KIF13A: variants seen among roughly 807,000 people sequenced by gnomAD.
KIF13A encodes the protein kinesin-like protein KIF13A.
In KIF13A, 79 loss-of-function variants were observed where a neutral mutation model predicts 212.2. That is an observed-to-expected ratio of 0.37 (90% CI 0.31 to 0.45). KIF13A has a LOEUF of 0.45. Among genes scored for constraint, KIF13A ranks in the 20% least tolerant of loss-of-function variants. The pLI is 1.00. For synonymous variants in KIF13A, 789 were observed against 808.6 expected (o/e 0.98, Z 0.41); for missense variants, 1,901 against 2,209.0 (o/e 0.86, Z 2.79).
chr6:17,980,244 T>C (rs1780942484), intron 2 of KIF13A, among the ~76,000 whole-genome samples: 1 of 152,174 alleles, frequency 6.6e-6, no homozygotes, highest in Admixed American at 6.5e-5. Context: ...AAGTAGAATA[T>C]GATACACAGC....
intron 2 of KIF13A, among the ~76,000 whole-genome samples, chr6:17,976,801 CAAAAAA>C (rs998413837): frequency 9.1e-5 from 9 of 98,726 alleles, no homozygotes; most frequent in African/African-American, 3.3e-4. Context: ...GACTCCATCT[CAAAAAA>C]AAAAAAAAAA....
rs148786095 is a variant in KIF13A at position 17,879,497 on chromosome 6, T to C, written c.160-6060A>G. 7.0e-3 allele frequency among the ~76,000 whole-genome samples: 1,060 copies of C among 152,302 alleles called. 11 individuals are homozygous for C. The highest frequency in any genetic ancestry group is 0.024 in the African/African-American group (1,001 of 41,562). ...ACATGCATGGTTTGGGGGAACTTGATTCCTGCAATGGTCAAATAAGGATTC... is the reference window on the plus strand; with the variant it reads ...ACATGCATGGTTTGGGGGAACTTGACTCCTGCAATGGTCAAATAAGGATTC... On this transcript the variant is annotated intron_variant, in intron 3 of 38. Transcript: ENST00000259711.
chr6:17,860,220 G>C (rs998328735), intron 4 of KIF13A, among the ~76,000 whole-genome samples: 1 of 151,772 alleles, frequency 6.6e-6, no homozygotes, highest in Non-Finnish European at 1.5e-5. Context: ...ATGGAGTCTT[G>C]TTCTGTCGCC....
Position 17,850,448 on chromosome 6 carries a change from A to C in KIF13A, c.592T>G (p.Ser198Ala). 1 of 1,612,722 alleles carries C rather than the reference A, an allele frequency of 6.2e-7. No homozygotes were observed. The highest frequency in any genetic ancestry group is 8.5e-7 in the Non-Finnish European group (1 of 1,179,360). Residue 198 changes from serine to alanine, a missense_variant, in exon 8 of 39, where the codon TCA becomes GCA. Ser to Ala is a moderately conservative substitution (Grantham distance 99). This residue lies in a region of KIF13A where 506 missense variants were observed against 637.4 expected (regional missense o/e 0.79). Transcript: ENST00000259711. The surrounding 1 kb of genome is among the most constrained non-coding windows in gnomAD (Gnocchi z 6.2). ...GACTTATTTCCCTCAGACATCAATG[A>C]CTCAATATCCTAGGGGCAAAGCATA... ...LAVTSFEDIE[S>A]LMSEGNKSRT...
chr6:17,980,035 C>G (rs1780921304), intron 2 of KIF13A, among the ~76,000 whole-genome samples: 1 of 151,834 alleles, frequency 6.6e-6, no homozygotes, highest in Non-Finnish European at 1.5e-5. Flanking sequence ...TGAACTAATT[C>G]AATAATTTTT....
rs1339963770 is a variant in KIF13A, at chr6:17,897,115, A to G, written c.159+1053T>C. On this transcript the variant is annotated intron_variant, in intron 3 of 38. Transcript: ENST00000259711. This position sits in a 1 kb window ranked among gnomAD's most constrained non-coding sequence, Gnocchi z 4.8. ...TTGTTCAATGCATGCCTTCCTTGCT[A>G]AAGCTGAAACTCTTATTGCCAAGGA... Among the ~76,000 whole-genome samples the G allele has an allele frequency of 1.3e-5, 2 of 152,196 alleles. No individual in the cohort carries two copies. The highest frequency in any genetic ancestry group is 2.9e-5 in the Non-Finnish European group (2 of 68,038).
intron 2 of KIF13A, among the ~76,000 whole-genome samples, chr6:17,957,724 G>T (rs1489653726): frequency 6.6e-6 from 1 of 152,162 alleles, no homozygotes; most frequent in Non-Finnish European, 1.5e-5. Flanking sequence ...TTGTTGGTGG[G>T]GGAAAACCCC....
Position 17,849,445 on chromosome 6 carries a change from C to G in KIF13A, c.762G>C (p.Ala254=). Residue 254 remains alanine, a synonymous_variant, in exon 9 of 39, where the codon GCG becomes GCC. Transcript: ENST00000259711. This position sits in a 1 kb window ranked among gnomAD's most constrained non-coding sequence, Gnocchi z 5.7. ...KVSKVSLVDL[A]GSERVSKTGA... is the part of the protein sequence containing the mutation. ...CTGTTTTAGATACTCTTTCGCTACC[C>G]GCCAGGTCTACCAAGCTGACCTTAC... The G allele has an allele frequency of 6.2e-7, 1 of 1,613,696 alleles. No individual in the cohort carries two copies. Among genetic ancestry groups the G allele is most frequent in the Non-Finnish European group, 8.5e-7 (1 of 1,179,776 alleles).
Position 17,849,720 on chromosome 6 carries a change from C to T in KIF13A, c.718-231G>A, listed in dbSNP as rs915321164. Among the ~76,000 whole-genome samples the T allele has an allele frequency of 2.0e-5, 3 of 152,126 alleles. No individual in the cohort carries two copies. Among genetic ancestry groups the T allele is most frequent in the African/African-American group, 7.2e-5 (3 of 41,422 alleles). Reference sequence around the variant, plus strand: ...GTTTTGCAGCTGGGTAGCAAGTACACCCAGCTTTCTGGAATACAGTCAGAA... The same window carrying T: ...GTTTTGCAGCTGGGTAGCAAGTACATCCAGCTTTCTGGAATACAGTCAGAA... On this transcript the variant is annotated intron_variant, in intron 8 of 38. Transcript: ENST00000259711. The surrounding 1 kb of genome is among the most constrained non-coding windows in gnomAD (Gnocchi z 5.7).
chr6:17,866,764 T>C (rs1769406606), intron 4 of KIF13A, among the ~76,000 whole-genome samples: 1 of 144,900 alleles, frequency 6.9e-6, no homozygotes, highest in Non-Finnish European at 1.5e-5. Flanking sequence ...AGGGAGGTAT[T>C]GAAGAAAATG....
At position 17,810,103 on chromosome 6, in the gene KIF13A, C is replaced by A. The variant is rs138945302; in HGVS notation, c.2001-1173G>T. Among the ~76,000 whole-genome samples, 861 of 152,246 alleles carry A rather than the reference C, an allele frequency of 5.7e-3. 11 individuals carry two copies. The highest frequency in any genetic ancestry group is 0.017 in the African/African-American group (714 of 41,544). On this transcript the variant is annotated intron_variant, in intron 17 of 38. Transcript: ENST00000259711. Reference sequence around the variant, plus strand: ...AAAGGTGATACCATTTTTCCAGTCACCCACGCTTAGATTTGTTCAGTCGGC... The same window carrying A: ...AAAGGTGATACCATTTTTCCAGTCAACCACGCTTAGATTTGTTCAGTCGGC...
intron 2 of KIF13A, among the ~76,000 whole-genome samples, chr6:17,940,454 G>A (rs1776862491): frequency 6.6e-6 from 1 of 152,172 alleles, no homozygotes; most frequent in African/African-American, 2.4e-5. Flanking sequence ...GTAGGAAAAC[G>A]CTGTTAGTGA....
chr6:17,907,791 T>C (rs975091302), intron 2 of KIF13A, among the ~76,000 whole-genome samples: 1 of 152,182 alleles, frequency 6.6e-6, no homozygotes, highest in Non-Finnish European at 1.5e-5. Flanking sequence ...TTGAGAGCCA[T>C]ACAGCTGGAA....
At chr6:17,870,293 A>G (rs1769883407) in intron 4 of KIF13A, among the ~76,000 whole-genome samples, 1 of 152,226 alleles carries the variant, frequency 6.6e-6, no homozygotes, top group African/African-American at 2.4e-5. Context: ...CAATGTGATC[A>G]TGCAACCTAA....
At chr6:17,931,508 C>A (rs1775984495) in intron 2 of KIF13A, among the ~76,000 whole-genome samples, 1 of 152,050 alleles carries the variant, frequency 6.6e-6, no homozygotes, top group South Asian at 2.1e-4. Flanking sequence ...AAATAAAAAC[C>A]AGGGACACAA....
At chr6:17,824,240 G>A (rs1764735427) in intron 16 of KIF13A, among the ~76,000 whole-genome samples, 1 of 151,954 alleles carries the variant, frequency 6.6e-6, no homozygotes, top group African/African-American at 2.4e-5. Flanking sequence ...AAAAAAAGAG[G>A]CCCCCTAGGC....
At chr6:17,804,217 A>G in intron 20 of KIF13A, 144 bp downstream of exon 20, 1 of 612,986 alleles carries the variant, frequency 1.6e-6, no homozygotes. Context: ...GATTATTAGT[A>G]GAGAAAAAAG....
At chr6:17,778,661 A>T (rs894437840) in intron 33 of KIF13A, among the ~76,000 whole-genome samples, 4 of 152,144 alleles carry the variant, frequency 2.6e-5, no homozygotes, top group African/African-American at 9.7e-5. Flanking sequence ...CTCATTTGAA[A>T]ATGGGGATTT....
At position 17,961,275 on chromosome 6, in the gene KIF13A, G is replaced by C. The variant is rs948138608; in HGVS notation, c.146+25779C>G. Among the ~76,000 whole-genome samples the C allele has an allele frequency of 5.9e-5, 9 of 152,292 alleles. No homozygotes were observed. The highest frequency in any genetic ancestry group is 1.0e-4 in the Non-Finnish European group (7 of 68,018). On this transcript the variant is annotated intron_variant, in intron 2 of 38. Transcript: ENST00000259711. This position sits in a 1 kb window ranked among gnomAD's most constrained non-coding sequence, Gnocchi z 4.1. ...CAAGGAGGTGGACTTCACTAGTGTG[G>C]GCTGGTAAGGGGACCTGGAAAGGAG...
Sources: gnomAD v4.1 joint callset for allele counts (sites outside exome capture counted in the v4.1 genomes callset) on GRCh38, gnomAD v4.1.1 for gene constraint, gnomAD v4.1.1 regional missense constraint, Gnocchi (gnomAD v3.1) non-coding constraint, MANE v1.5 for transcripts, NCBI Gene and HGNC (gene_info 2026-07-23, HGNC 2026-07-21) for gene names.